Variants in NUP93 observed in about 807,000 individuals in gnomAD.
NUP93 encodes the protein nuclear pore complex protein Nup93.
A neutral mutation model predicts 107.8 loss-of-function variants in NUP93; 55 were observed. The ratio of observed to expected loss-of-function variants is 0.51; its 90% CI spans 0.41 to 0.64. The LOEUF (loss-of-function observed/expected upper bound fraction) is 0.64, where lower values mean the gene tolerates loss of function less well. NUP93 is among the 30% of genes least tolerant of loss of function. The probability of loss-of-function intolerance (pLI) is 0.00; values close to 1 mark genes in which losing one functional copy is unlikely to be tolerated. For synonymous variants in NUP93, 390 were observed against 397.5 expected (o/e 0.98, Z 0.22); for missense variants, 937 against 1,044.7 (o/e 0.90, Z 1.42).
intron 3 of NUP93, among the ~76,000 whole-genome samples, chr16:56,772,968 C>A (rs768576665): frequency 4.6e-5 from 7 of 152,206 alleles, no homozygotes; most frequent in Non-Finnish European, 7.3e-5. Flanking sequence ...AGTTGATCAC[C>A]AGTGGCCAGT....
At chr16:56,779,536 G>T (rs1237764658) in intron 3 of NUP93, among the ~76,000 whole-genome samples, 1 of 152,156 alleles carries the variant, frequency 6.6e-6, no homozygotes, top group Non-Finnish European at 1.5e-5. Flanking sequence ...CCTTTGTAAG[G>T]TGGCTTCTTT....
chr16:56,763,490 G>GT (rs1490571577), intron 3 of NUP93, among the ~76,000 whole-genome samples: 2 of 151,378 alleles, frequency 1.3e-5, no homozygotes, highest in East Asian at 3.8e-4. Context: ...GCTTGTGTGT[G>GT]TGTGTGTGGG....
chr16:56,780,787 C>T (rs1379475625), intron 3 of NUP93, among the ~76,000 whole-genome samples: 21 of 152,218 alleles, frequency 1.4e-4, no homozygotes, highest in Non-Finnish European at 2.8e-4. Context: ...GGTTTTGCAA[C>T]CAACAGATTG....
In NUP93 at chr16:56,846,930, T is replaced by C. The variant is rs6499854; in HGVS notation, c.*2321T>C. On this transcript the variant is annotated 3_prime_UTR_variant, in exon 22 of 22. Coordinates refer to ENST00000308159, the MANE Select transcript of NUP93 (RefSeq NM_014669.5). ...CTTGCATCCTGCAGTTCTACTTGTC[T>C]CAGAGAGAACTGCACACCAGCCCTG... The C allele has an allele frequency of 0.88, 133,794 of 152,192 alleles. 59,133 individuals are homozygous for C. Among genetic ancestry groups the C allele is most frequent in the East Asian group, 0.99 (5,156 of 5,182 alleles). 9.4% of individuals were successfully genotyped at this position (152,192 alleles called of 1,614,324 possible).
chr16:56,752,222 C>T (rs753919109), intron 2 of NUP93, among the ~76,000 whole-genome samples: 2 of 152,142 alleles, frequency 1.3e-5, no homozygotes, highest in Admixed American at 6.5e-5. Flanking sequence ...CCCAGCAATT[C>T]CACTTCTAGG....
intron 20 of NUP93, 110 bp downstream of exon 20, chr16:56,839,714 C>A: frequency 3.4e-6 from 3 of 877,564 alleles, no homozygotes; most frequent in South Asian, 2.9e-5. Context: ...AGTAACTATC[C>A]AGACTGAGTT....
intron 5 of NUP93, among the ~76,000 whole-genome samples, chr16:56,805,863 T>G (rs1963126751): frequency 6.6e-6 from 1 of 152,124 alleles, no homozygotes; most frequent in East Asian, 1.9e-4. Context: ...CTCTATAGGT[T>G]TGAGTGTCCC....
intron 2 of NUP93, among the ~76,000 whole-genome samples, chr16:56,756,079 C>T (rs1490338185): frequency 2.0e-5 from 3 of 151,630 alleles, no homozygotes; most frequent in East Asian, 1.9e-4. Flanking sequence ...CCTGAAGCTA[C>T]GTGATTCTAA....
intron 3 of NUP93, among the ~76,000 whole-genome samples, chr16:56,772,923 C>T (rs1172810415): frequency 6.6e-6 from 1 of 152,174 alleles, no homozygotes; most frequent in Non-Finnish European, 1.5e-5. Flanking sequence ...CCTGTTTCCT[C>T]CAGCCTGCTG....
At chr16:56,794,621 A>G (rs1962849776) in intron 3 of NUP93, among the ~76,000 whole-genome samples, 1 of 151,796 alleles carries the variant, frequency 6.6e-6, no homozygotes, top group Non-Finnish European at 1.5e-5. Flanking sequence ...AGATGTGAAC[A>G]TGGGTGTCAT....
chr16:56,804,262 A>T (rs1459723954), intron 4 of NUP93, among the ~76,000 whole-genome samples: 1 of 152,192 alleles, frequency 6.6e-6, no homozygotes, highest in African/African-American at 2.4e-5. Flanking sequence ...TTGTACACCC[A>T]CGTTTATAGC....
intron 4 of NUP93, 55 bp downstream of exon 4, chr16:56,798,593 C>T (rs759215818): frequency 3.9e-5 from 55 of 1,400,126 alleles, no homozygotes; most frequent in Non-Finnish European, 4.9e-5. Context: ...GAGGGCTGGG[C>T]GTGGTGGCTC....
chr16:56,784,029 A>G (rs1962573186), intron 3 of NUP93, among the ~76,000 whole-genome samples: 1 of 152,134 alleles, frequency 6.6e-6, no homozygotes, highest in South Asian at 2.1e-4. Flanking sequence ...TTTCTCAAAA[A>G]CCAGGTGTGA....
At chr16:56,774,903 G>GTT (rs550311910) in intron 3 of NUP93, among the ~76,000 whole-genome samples, 26 of 138,376 alleles carry the variant, frequency 1.9e-4, no homozygotes, top group South Asian at 4.7e-4. Context: ...TTTTGTTTTT[G>GTT]TTTTTTTTTT....
At position 56,848,609 on chromosome 16, in the gene NUP93, A is replaced by G. The variant is rs1467663344; in HGVS notation, c.*4000A>G. On this transcript the variant is annotated 3_prime_UTR_variant, in exon 22 of 22. Coordinates refer to ENST00000308159, the MANE Select transcript of NUP93 (RefSeq NM_014669.5). ...CAGGAAGGAAATAAATCTTTCTGCC[A>G]CTTGTTTCCAACCGAAAAGGAAAAA... 1.3e-5 allele frequency: 2 copies of G among 152,246 alleles called. No individual in the cohort carries two copies. The highest frequency in any genetic ancestry group is 2.9e-5 in the Non-Finnish European group (2 of 68,048). 9.4% of individuals were successfully genotyped at this position (152,246 alleles called of 1,614,324 possible). A position where few individuals can be genotyped will look rare whatever the true frequency, so the allele number is the denominator to read the frequency against.
intron 3 of NUP93, among the ~76,000 whole-genome samples, chr16:56,762,131 C>T (rs1385577075): frequency 2.0e-5 from 3 of 152,070 alleles, no homozygotes; most frequent in Admixed American, 1.3e-4. Context: ...TGGGAGTATG[C>T]GTCCTCTCAC....
At chr16:56,840,263 G>A (rs534537409) in intron 20 of NUP93, among the ~76,000 whole-genome samples, 1 of 152,146 alleles carries the variant, frequency 6.6e-6, no homozygotes, top group Non-Finnish European at 1.5e-5. Flanking sequence ...CTCGTGATCT[G>A]CCCGCCTCGG....
At chr16:56,807,702 C>T (rs1171006592) in intron 5 of NUP93, among the ~76,000 whole-genome samples, 1 of 151,852 alleles carries the variant, frequency 6.6e-6, no homozygotes, top group Non-Finnish European at 1.5e-5. Flanking sequence ...AATTTTTTTC[C>T]CTCTTTTTAA....
At chr16:56,800,065 C>G (rs540559970) in intron 4 of NUP93, among the ~76,000 whole-genome samples, 1 of 152,218 alleles carries the variant, frequency 6.6e-6, no homozygotes, top group Non-Finnish European at 1.5e-5. Context: ...CACCTATAGT[C>G]CCAGCTACTC....
Sources: gnomAD v4.1 joint callset for allele counts (sites outside exome capture counted in the v4.1 genomes callset) on GRCh38, gnomAD v4.1.1 for gene constraint, MANE v1.5 for transcripts, NCBI Gene and HGNC (gene_info 2026-07-23, HGNC 2026-07-21) for gene names.